The following CARS1 variants were observed in gnomAD, a reference collection of about 807,000 sequenced individuals.
The protein encoded by CARS1 is cysteine--tRNA ligase, cytoplasmic.
A neutral mutation model predicts 106.2 loss-of-function variants in CARS1; 48 were observed. That is an observed-to-expected ratio of 0.45 (90% CI 0.36 to 0.57). CARS1 has a LOEUF of 0.57. Among genes scored for constraint, CARS1 ranks in the 20% least tolerant of loss-of-function variants. The probability of loss-of-function intolerance (pLI) is 0.00; values close to 1 mark genes in which losing one functional copy is unlikely to be tolerated. For missense variants in CARS1, 968 were observed against 1,057.2 expected, an observed-to-expected ratio of 0.92 and a Z score of 1.17; for synonymous variants, 409 against 403.4, an observed-to-expected ratio of 1.01 and a Z score of -0.17.
At position 3,029,407 on chromosome 11, in the gene CARS1, A is replaced by G; in HGVS notation, c.838T>C (p.Trp280Arg). ...TCACAGCCAAGTGTAGAATCCAGCC[A>G]GTCAGAGAGCAAATCCTTGGCTTCT... is the stretch of plus-strand genomic sequence containing the variant. ...LEEAKDLLSD[W>R]LDSTLGCDVT... Residue 280 changes from tryptophan (W) to arginine (R), a missense_variant, in exon 8 of 23, where the codon TGG becomes CGG. By Grantham distance (101) the Trp-to-Arg change is moderately radical (BLOSUM62 -3). Transcript: ENST00000380525. The surrounding 1 kb of genome is among the most constrained non-coding windows in gnomAD (Gnocchi z 5.9). 2.5e-6 allele frequency: 4 copies of G among 1,614,136 alleles called. No individual in the cohort carries two copies. Among genetic ancestry groups the G allele is most frequent in the Non-Finnish European group, 1.7e-6 (2 of 1,180,024 alleles).
In CARS1 at chr11:3,028,180, C is replaced by T; in HGVS notation, c.1031+816G>A. ...GCCTTGGCTGCCAGGCAGGGAAGGG[C>T]CCCCTGTCCAGTGGACACGTGACCC... On this transcript the variant is annotated intron_variant, in intron 9 of 22. Coordinates refer to ENST00000380525, the MANE Select transcript of CARS1 (RefSeq NM_001014437.3). This position sits in a 1 kb window ranked among gnomAD's most constrained non-coding sequence, Gnocchi z 4.4. The T allele has an allele frequency of 3.1e-6, 1 of 319,998 alleles. No homozygotes were observed. The highest frequency in any genetic ancestry group is 6.0e-6 in the Non-Finnish European group (1 of 166,504). 19.8% of individuals were successfully genotyped at this position (319,998 alleles called of 1,614,324 possible).
chr11:3,024,038 A>C (rs1189235872), intron 10 of CARS1, among the ~76,000 whole-genome samples: 1 of 152,092 alleles, frequency 6.6e-6, no homozygotes, highest in East Asian at 1.9e-4. Context: ...GACTACAGGC[A>C]TGCGCCACCA....
In CARS1 at chr11:3,003,498, C is replaced by G. The variant is rs4758505; in HGVS notation, c.2218-898G>C. Reference sequence around the variant, plus strand: ...GGGCAAACTGTTTTTGGGCCACCGGCTACAAGATAGATGGTGGAGAAGCCG... The same window carrying G: ...GGGCAAACTGTTTTTGGGCCACCGGGTACAAGATAGATGGTGGAGAAGCCG... On this transcript the variant is annotated intron_variant, in intron 20 of 22. Transcript: ENST00000380525. This position sits in a 1 kb window ranked among gnomAD's most constrained non-coding sequence, Gnocchi z 4.8. 0.74 allele frequency among the ~76,000 whole-genome samples: 112,355 copies of G among 152,028 alleles called. 41,837 individuals carry two copies. Among genetic ancestry groups the G allele is most frequent in the East Asian group, 0.86 (4,440 of 5,164 alleles).
chr11:3,015,639 GA>G, intron 17 of CARS1, 141 bp downstream of exon 17: 3 of 729,222 alleles, frequency 4.1e-6, no homozygotes, highest in Non-Finnish European at 4.9e-6. Flanking sequence ...CTCAGAGCCA[GA>G]ATTGCCATTT....
intron 1 of CARS1, chr11:3,054,916 G>T: frequency 4.3e-6 from 3 of 702,610 alleles, no homozygotes; most frequent in Non-Finnish European, 7.8e-6. Flanking sequence ...AAGTCTGTGC[G>T]GAAAGGCCCT....
intron 1 of CARS1, among the ~76,000 whole-genome samples, chr11:3,051,333 C>G (rs1027567561): frequency 6.6e-6 from 1 of 152,224 alleles, no homozygotes; most frequent in African/African-American, 2.4e-5. Context: ...GGGCCTCTCA[C>G]CTGCCCCATC....
Position 3,038,122 on chromosome 11 carries a change from C to G in CARS1, c.729G>C (p.Gln243His). Reference protein sequence around the residue: ...QMLERIQHAVQLATEPLEKAV... With the variant: ...QMLERIQHAVHLATEPLEKAV... ...CTTTCTCAAGTGGCTCTGTGGCAAG[C>G]TGCACTGCGTGCTGAATCCGTTCGA... Residue 243 changes from glutamine (Q) to histidine (H), a missense_variant, in exon 7 of 23, where the codon CAG (glutamine) becomes CAC (histidine). Coordinates refer to ENST00000380525, the MANE Select transcript of CARS1 (RefSeq NM_001014437.3). The surrounding 1 kb of genome is among the most constrained non-coding windows in gnomAD (Gnocchi z 4.0). The G allele has an allele frequency of 6.2e-7, 1 of 1,614,202 alleles. No homozygotes were observed. Among genetic ancestry groups the G allele is most frequent in the Admixed American group, 1.7e-5 (1 of 60,034 alleles).
chr11:3,032,130 T>C (rs1852919024), intron 7 of CARS1, among the ~76,000 whole-genome samples: 2 of 149,098 alleles, frequency 1.3e-5, no homozygotes, highest in Non-Finnish European at 3.0e-5. Context: ...TGGAGTGCAG[T>C]AGTGCAATCT....
At position 3,029,139 on chromosome 11, in the gene CARS1, C is replaced by T. The variant is rs1852427397; in HGVS notation, c.943-55G>A. 6.8e-6 allele frequency: 10 copies of T among 1,464,728 alleles called. No individual in the cohort carries two copies. The South Asian group carries it at 1.1e-4, about 17-fold the overall frequency. 90.7% of individuals were successfully genotyped at this position (1,464,728 alleles called of 1,614,324 possible). A position where few individuals can be genotyped will look rare whatever the true frequency, so the allele number is the denominator to read the frequency against. ...TTTCCCTTCTGAAAACCACGCGCTCCATAAAAACGTTCCCAATTCATAAAA... is the reference window on the plus strand; with the variant it reads ...TTTCCCTTCTGAAAACCACGCGCTCTATAAAAACGTTCCCAATTCATAAAA... On this transcript the variant is annotated intron_variant, in intron 8 of 22. Coordinates refer to ENST00000380525, the MANE Select transcript of CARS1 (RefSeq NM_001014437.3). The surrounding 1 kb of genome is among the most constrained non-coding windows in gnomAD (Gnocchi z 5.9).
At chr11:3,054,924 C>T (rs1310070960) in intron 1 of CARS1, 9 of 702,430 alleles carry the variant, frequency 1.3e-5, no homozygotes, top group Non-Finnish European at 2.1e-5. Context: ...GCGGAAAGGC[C>T]CTGAGGTAGG....
Position 3,038,082 on chromosome 11 carries a change from G to T in CARS1, c.769C>A (p.Leu257Ile). ...EPLEKAVQSR[L>I]TGEEVNSCVE... ...CAGCTGTTGACTTCCTCTCCCGTGAGTCTGGACTGCACAGCTTTCTCAAGT... is the reference window on the plus strand; with the variant it reads ...CAGCTGTTGACTTCCTCTCCCGTGATTCTGGACTGCACAGCTTTCTCAAGT... The change falls in exon 7 of 23, where the codon CTC becomes ATC. Residue 257 changes from leucine (L) to isoleucine (I), a missense_variant. Transcript: ENST00000380525. This position sits in a 1 kb window ranked among gnomAD's most constrained non-coding sequence, Gnocchi z 4.0. 2 of 1,614,142 alleles carry T rather than the reference G, an allele frequency of 1.2e-6. No individual in the cohort carries two copies. The highest frequency in any genetic ancestry group is 1.7e-6 in the Non-Finnish European group (2 of 1,179,936).
chr11:3,007,189 G>T, intron 18 of CARS1: 1 of 579,878 alleles, frequency 1.7e-6, no homozygotes, highest in Non-Finnish European at 3.1e-6. Context: ...AGTGTCTCCC[G>T]TAAGCCCAGG....
intron 17 of CARS1, 57 bp from the exon 18 acceptor site, chr11:3,012,333 C>G: frequency 6.8e-7 from 1 of 1,467,874 alleles, no homozygotes; most frequent in Middle Eastern, 1.7e-4. Context: ...ATATTCATAA[C>G]AGAATAATAG....
chr11:3,007,703 G>T, intron 18 of CARS1: 1 of 151,946 alleles, frequency 6.6e-6, no homozygotes. Flanking sequence ...TCCATCACAT[G>T]GGGAGGGAGC....
chr11:3,001,013 C>A lies in CARS1; in HGVS notation c.*101G>T, dbSNP rs1258537199. 7.4e-7 allele frequency: 1 copy of A among 1,351,540 alleles called. No individual in the cohort carries two copies. The highest frequency in any genetic ancestry group is 1.0e-6 in the Non-Finnish European group (1 of 963,418). 83.7% of individuals were successfully genotyped at this position (1,351,540 alleles called of 1,614,324 possible). ...TGAACACAACTCTTAATTTAGGACC[C>A]AAGGGTGACTGTAAACATGATAGGA... On this transcript the variant is annotated 3_prime_UTR_variant, in exon 23 of 23. Transcript: ENST00000380525.
chr11:3,016,475 G>A lies in CARS1; in HGVS notation c.1918-626C>T, dbSNP rs1374851118. Among the ~76,000 whole-genome samples, 6 of 152,124 alleles carry A rather than the reference G, an allele frequency of 3.9e-5. No homozygotes were observed. In the East Asian group the frequency reaches 1.2e-3, roughly 29 times the overall value. On this transcript the variant is annotated intron_variant, in intron 16 of 22. Transcript: ENST00000380525. ...CCTGACCTTGTGATCCGCCCGCCTT[G>A]GCCTCCCAAAGTGCTGGGATTACAG... is the stretch of plus-strand genomic sequence containing the variant.
At chr11:3,005,487 T>A in intron 19 of CARS1, 54 bp from the exon 20 acceptor site, 5 of 1,430,336 alleles carry the variant, frequency 3.5e-6, no homozygotes, top group Non-Finnish European at 4.9e-6. Context: ...CCGTCCCCAC[T>A]GCGGGGCCAG....
chr11:3,017,685 AC>A lies in CARS1; in HGVS notation c.1727+171del, dbSNP rs1264159783. Reference sequence around the variant, plus strand: ...AAAGAAATTCTCCATGCACTTCAACACCCAGAGCAGCTCCCATTAGCAGAGC... The same window carrying A: ...AAAGAAATTCTCCATGCACTTCAACACCAGAGCAGCTCCCATTAGCAGAGC... On this transcript the variant is annotated intron_variant, in intron 15 of 22. Coordinates refer to ENST00000380525, the MANE Select transcript of CARS1 (RefSeq NM_001014437.3). The surrounding 1 kb of genome is among the most constrained non-coding windows in gnomAD (Gnocchi z 4.9). 1.2e-5 allele frequency: 7 copies of A among 597,528 alleles called. No individual in the cohort carries two copies. The African/African-American group carries it at 1.3e-4, about 11-fold the overall frequency. 37.0% of individuals were successfully genotyped at this position (597,528 alleles called of 1,614,324 possible). A position where few individuals can be genotyped will look rare whatever the true frequency, so the allele number is the denominator to read the frequency against.
At chr11:3,054,089 C>T (rs946368729) in intron 1 of CARS1, among the ~76,000 whole-genome samples, 5 of 152,156 alleles carry the variant, frequency 3.3e-5, no homozygotes, top group Admixed American at 1.3e-4. Flanking sequence ...GGCATGCACC[C>T]CTGCTCTCAC....
Sources: allele counts gnomAD v4.1 joint callset (sites outside exome capture counted in the v4.1 genomes callset), GRCh38; gene constraint gnomAD v4.1.1; non-coding constraint Gnocchi (gnomAD v3.1); transcripts MANE v1.5; gene names NCBI Gene and HGNC (gene_info 2026-07-23, HGNC 2026-07-21).